The following RIMS2 variants were observed in gnomAD, a reference collection of about 807,000 sequenced individuals.
The protein encoded by RIMS2 is regulating synaptic membrane exocytosis 2, also known as regulating synaptic membrane exocytosis protein 2.
RIMS2 carries 59 observed loss-of-function variants against 174.4 expected under a neutral mutation model. The ratio of observed to expected loss-of-function variants is 0.34; its 90% CI spans 0.27 to 0.42. The LOEUF (loss-of-function observed/expected upper bound fraction) is 0.42, where lower values mean the gene tolerates loss of function less well. Among genes scored for constraint, RIMS2 ranks in the 10% least tolerant of loss-of-function variants. The pLI, the probability that RIMS2 is intolerant of heterozygous loss-of-function variation, is 1.00. For synonymous variants in RIMS2, 606 were observed against 572.5 expected (o/e 1.06, Z -0.84); for missense variants, 1,620 against 1,666.3 (o/e 0.97, Z 0.48).
intron 1 of RIMS2, among the ~76,000 whole-genome samples, chr8:103,587,374 G>C (rs1204539923): frequency 1.4e-5 from 2 of 145,592 alleles, no homozygotes; most frequent in Non-Finnish European, 3.0e-5. Context: ...GTATTACCCT[G>C]ATACCAAAAC....
At chr8:103,603,522 A>G (rs1255813072) in intron 1 of RIMS2, among the ~76,000 whole-genome samples, 3 of 152,072 alleles carry the variant, frequency 2.0e-5, no homozygotes, top group African/African-American at 7.2e-5. Flanking sequence ...CAGTAATGGG[A>G]TGGCTGGGTC....
chr8:104,124,963 GC>G (rs2098416503), intron 19 of RIMS2, among the ~76,000 whole-genome samples: 2 of 140,022 alleles, frequency 1.4e-5, no homozygotes, highest in African/African-American at 5.3e-5. Flanking sequence ...AGAAGACAAA[GC>G]AGAAAAAAAT....
rs16871000 is a variant in RIMS2, at chr8:104,140,776, A to G, written c.3335-104140A>G. 1.3e-3 allele frequency among the ~76,000 whole-genome samples: 194 copies of G among 152,308 alleles called. 1 individual carries two copies. In the East Asian group the frequency reaches 0.022, roughly 18 times the overall value. On this transcript the variant is annotated intron_variant, in intron 19 of 23. Transcript: ENST00000504942. ...AGATGTTTGCTAAAGGAATCAATCA[A>G]TTTGTGGCAAGATGTTTACTATGGT...
At chr8:104,160,237 G>A (rs2134649836) in intron 19 of RIMS2, among the ~76,000 whole-genome samples, 1 of 152,222 alleles carries the variant, frequency 6.6e-6, no homozygotes, top group Admixed American at 6.5e-5. Flanking sequence ...TTGAGGGAAG[G>A]AGCTATATCT....
intron 1 of RIMS2, among the ~76,000 whole-genome samples, chr8:103,564,647 G>C (rs1279140647): frequency 6.6e-6 from 1 of 152,202 alleles, no homozygotes; most frequent in Non-Finnish European, 1.5e-5. Flanking sequence ...CAGCATGGGA[G>C]AAAGATGAAG....
chr8:103,835,165 G>C lies in RIMS2; in HGVS notation c.699-50133G>C, dbSNP rs559026408. 2.3e-4 allele frequency among the ~76,000 whole-genome samples: 33 copies of C among 146,074 alleles called. 1 individual carries two copies. Among genetic ancestry groups the C allele is most frequent in the Non-Finnish European group, 3.1e-4 (21 of 66,996 alleles). ...TGCCCAAGCTGGAGTGCAGTGGCGC[G>C]ATCTCAGCTCACTGCACCCTCCACC... On this transcript the variant is annotated intron_variant, in intron 3 of 23. Transcript: ENST00000504942.
intron 3 of RIMS2, among the ~76,000 whole-genome samples, chr8:103,858,501 A>G (rs556965849): frequency 6.6e-6 from 1 of 152,160 alleles, no homozygotes; most frequent in Non-Finnish European, 1.5e-5. Context: ...GGCCGAGCTC[A>G]TCTAATTCAG....
intron 19 of RIMS2, among the ~76,000 whole-genome samples, chr8:104,101,219 C>T (rs1042047750): frequency 1.3e-5 from 2 of 150,854 alleles, no homozygotes; most frequent in Admixed American, 6.6e-5. Context: ...TTCCGTCACC[C>T]GGGTTCAAAC....
chr8:104,249,492 A>G (rs767778622), exon 22 of RIMS2: 2 of 1,586,680 alleles, frequency 1.3e-6, no homozygotes, highest in African/African-American at 1.3e-5. Context: ...ATTAGGTGAC[A>G]TTCAGGTAGG....
At chr8:104,009,980 G>A (rs1316437341) in intron 17 of RIMS2, among the ~76,000 whole-genome samples, 1 of 105,238 alleles carries the variant, frequency 9.5e-6, no homozygotes. Flanking sequence ...TGAAAGATAT[G>A]GATGGATAGA....
intron 17 of RIMS2, among the ~76,000 whole-genome samples, chr8:103,992,788 G>A (rs1316402039): frequency 6.6e-6 from 1 of 152,080 alleles, no homozygotes; most frequent in African/African-American, 2.4e-5. Context: ...TAGTAACCTG[G>A]ATGCAAGGAC....
At chr8:104,225,524 A>G (rs2099182010) in intron 19 of RIMS2, among the ~76,000 whole-genome samples, 1 of 152,196 alleles carries the variant, frequency 6.6e-6, no homozygotes, top group African/African-American at 2.4e-5. Context: ...GCTTCAGATA[A>G]GGTATCATCC....
chr8:104,065,349 A>T (rs1313360377), intron 19 of RIMS2, among the ~76,000 whole-genome samples: 2 of 151,964 alleles, frequency 1.3e-5, no homozygotes, highest in East Asian at 3.9e-4. Flanking sequence ...TATTTTATTG[A>T]TTTCTCTAAA....
At chr8:103,981,463 T>C (rs1307715543) in intron 16 of RIMS2, among the ~76,000 whole-genome samples, 1 of 152,030 alleles carries the variant, frequency 6.6e-6, no homozygotes, top group African/African-American at 2.4e-5. Context: ...AATACCTAAC[T>C]CTTCAATGCC....
At chr8:103,802,351 T>C (rs181780437) in intron 3 of RIMS2, among the ~76,000 whole-genome samples, 1 of 152,294 alleles carries the variant, frequency 6.6e-6, no homozygotes, top group African/African-American at 2.4e-5. Context: ...TATATGTGAG[T>C]GTGCATAGTG....
At chr8:104,155,825 C>G (rs1221340730) in intron 19 of RIMS2, among the ~76,000 whole-genome samples, 1 of 152,144 alleles carries the variant, frequency 6.6e-6, no homozygotes, top group Non-Finnish European at 1.5e-5. Context: ...AACTTTCACT[C>G]CTAGTTAAGC....
intron 19 of RIMS2, among the ~76,000 whole-genome samples, chr8:104,057,017 A>C (rs1043297855): frequency 1.3e-4 from 19 of 151,200 alleles, no homozygotes; most frequent in Non-Finnish European, 8.8e-5. Context: ...ATAAAACCCT[A>C]ATCTTCCCCT....
At chr8:104,224,229 C>G (rs1003019060) in intron 19 of RIMS2, among the ~76,000 whole-genome samples, 1 of 152,136 alleles carries the variant, frequency 6.6e-6, no homozygotes, top group Non-Finnish European at 1.5e-5. Flanking sequence ...TATGAAAACC[C>G]AAGATCGGAT....
intron 1 of RIMS2, among the ~76,000 whole-genome samples, chr8:103,655,255 C>A (rs952963076): frequency 4.0e-5 from 6 of 151,870 alleles, no homozygotes; most frequent in Non-Finnish European, 7.4e-5. Flanking sequence ...ATATTACTTT[C>A]TCTTTTCTTT....
Sources: gnomAD v4.1 joint callset for allele counts (sites outside exome capture counted in the v4.1 genomes callset) on GRCh38, gnomAD v4.1.1 for gene constraint, MANE v1.5 for transcripts, NCBI Gene and HGNC (gene_info 2026-07-23, HGNC 2026-07-21) for gene names.